GOLT1B: variants seen among roughly 807,000 people sequenced by gnomAD.
GOLT1B encodes vesicle transport protein GOT1B.
GOLT1B carries 3 observed loss-of-function variants against 15.4 expected under a neutral mutation model. That is an observed-to-expected ratio of 0.19 (90% CI 0.09 to 0.50). The LOEUF (loss-of-function observed/expected upper bound fraction) is 0.50, where lower values mean the gene tolerates loss of function less well. GOLT1B is among the 20% of genes least tolerant of loss of function. The pLI, the probability that GOLT1B is intolerant of heterozygous loss-of-function variation, is 0.97. For synonymous variants in GOLT1B, 65 were observed against 56.2 expected (o/e 1.16, Z -0.70); for missense variants, 145 against 160.4 (o/e 0.90, Z 0.52).
intron 1 of GOLT1B, among the ~76,000 whole-genome samples, chr12:21,502,975 T>A (rs997196646): frequency 2.0e-5 from 3 of 152,164 alleles, no homozygotes; most frequent in African/African-American, 7.2e-5. Context: ...GAGATTCAAG[T>A]CATGGCAGAC....
In GOLT1B at chr12:21,512,215, C is replaced by T. The variant is rs187208127; in HGVS notation, c.297-80C>T. 10 of 770,362 alleles carry T rather than the reference C, an allele frequency of 1.3e-5. No homozygotes were observed. In the East Asian group the frequency reaches 2.5e-4, roughly 19 times the overall value. The allele number at this position is 770,362 out of a possible 1,614,324, so 47.7% of individuals were successfully genotyped here. ...AATTATTCAGAATTTTAACAGGATA[C>T]TTTCTTTTTCCTTGGTTAGCAATTA... is the stretch of plus-strand genomic sequence containing the variant. On this transcript the variant is annotated intron_variant, in intron 3 of 4. Transcript: ENST00000229314.
At position 21,517,208 on chromosome 12, in the gene GOLT1B, A is replaced by C. The variant is rs148759998; in HGVS notation, c.*1501A>C. On this transcript the variant is annotated 3_prime_UTR_variant, in exon 5 of 5. Coordinates refer to ENST00000229314, the MANE Select transcript of GOLT1B (RefSeq NM_016072.5). ...TCTCTTAATACACAGAGAACTCCCA[A>C]TCTTGCTCATCTAAATAAGGAAAGA... The C allele has an allele frequency of 6.6e-6, 1 of 152,428 alleles. No homozygotes were observed. Among genetic ancestry groups the C allele is most frequent in the Non-Finnish European group, 1.5e-5 (1 of 67,870 alleles). The allele number at this position is 152,428 out of a possible 1,614,324, so 9.4% of individuals were successfully genotyped here.
intron 1 of GOLT1B, 29 bp downstream of exon 1, chr12:21,501,977 C>G (rs749059836): frequency 3.8e-6 from 6 of 1,562,740 alleles, no homozygotes; most frequent in Admixed American, 3.3e-5. Context: ...GCCCCCGCCT[C>G]GAGCCGCGCA....
chr12:21,511,792 C>G (rs191845763), intron 3 of GOLT1B, among the ~76,000 whole-genome samples: 1 of 152,174 alleles, frequency 6.6e-6, no homozygotes, highest in Non-Finnish European at 1.5e-5. Context: ...TCTTCCTATA[C>G]TGAGGTAGCT....
intron 4 of GOLT1B, chr12:21,515,266 T>C: frequency 6.9e-7 from 1 of 1,442,836 alleles, no homozygotes; most frequent in Non-Finnish European, 9.4e-7. Context: ...AGATCCACAG[T>C]AATGGTCAGT....
intron 2 of GOLT1B, 106 bp downstream of exon 2, chr12:21,507,082 T>A (rs1943684303): frequency 2.9e-6 from 2 of 679,240 alleles, no homozygotes; most frequent in African/African-American, 3.5e-5. Flanking sequence ...CTATTACTCA[T>A]AAGTAATTCC....
rs1025344277 is a variant in GOLT1B at position 21,516,185 on chromosome 12, A to G, written c.*478A>G. On this transcript the variant is annotated 3_prime_UTR_variant, in exon 5 of 5. Transcript: ENST00000229314. ...TTGGATTGTGTCATTTTAAAGTATT[A>G]AAACCAAGGAAACCCCAATTTTGAT... 1 of 152,436 alleles carries G rather than the reference A, an allele frequency of 6.6e-6. No individual in the cohort carries two copies. Among genetic ancestry groups the G allele is most frequent in the Non-Finnish European group, 1.5e-5 (1 of 68,088 alleles). The allele number at this position is 152,436 out of a possible 1,614,324, so 9.4% of individuals were successfully genotyped here.
At chr12:21,510,899 C>CT (rs1253036911) in intron 3 of GOLT1B, among the ~76,000 whole-genome samples, 1 of 152,114 alleles carries the variant, frequency 6.6e-6, no homozygotes, top group African/African-American at 2.4e-5. Flanking sequence ...AAGAAAACAG[C>CT]TTTTTTTCTG....
At chr12:21,502,551 A>G (rs757081643) in intron 1 of GOLT1B, among the ~76,000 whole-genome samples, 5 of 152,198 alleles carry the variant, frequency 3.3e-5, no homozygotes, top group Non-Finnish European at 7.3e-5. Flanking sequence ...CAGTAGAGAA[A>G]AGCCACTTTG....
chr12:21,503,978 C>T (rs968953523), intron 1 of GOLT1B, among the ~76,000 whole-genome samples: 5 of 152,136 alleles, frequency 3.3e-5, no homozygotes, highest in African/African-American at 1.2e-4. Flanking sequence ...ATTGCATTCT[C>T]CAGTACAGTT....
chr12:21,502,609 T>C (rs781607732), intron 1 of GOLT1B, among the ~76,000 whole-genome samples: 6 of 152,240 alleles, frequency 3.9e-5, no homozygotes, highest in Non-Finnish European at 7.3e-5. Flanking sequence ...TTGTGCTTTG[T>C]GGCTTGTTTT....
At chr12:21,502,918 T>C (rs1198156610) in intron 1 of GOLT1B, among the ~76,000 whole-genome samples, 1 of 152,210 alleles carries the variant, frequency 6.6e-6, no homozygotes, top group Non-Finnish European at 1.5e-5. Flanking sequence ...AAGTGAAAAA[T>C]AGAAGTTTAT....
Position 21,515,923 on chromosome 12 carries a change from CTGAG to C in GOLT1B, c.*217_*220del, listed in dbSNP as rs1010859427. 13 of 439,874 alleles carry C rather than the reference CTGAG, an allele frequency of 3.0e-5. No individual in the cohort carries two copies. Among genetic ancestry groups the C allele is most frequent in the Non-Finnish European group, 4.8e-5 (12 of 252,556 alleles). The allele number at this position is 439,874 out of a possible 1,614,324, so 27.2% of individuals were successfully genotyped here. A position where few individuals can be genotyped will look rare whatever the true frequency, so the allele number is the denominator to read the frequency against. On this transcript the variant is annotated 3_prime_UTR_variant, in exon 5 of 5. Coordinates refer to ENST00000229314, the MANE Select transcript of GOLT1B (RefSeq NM_016072.5). ...AACTAAGAAGAAGTCAGCAAGCAAA[CTGAG>C]AGAGGTGAAATCCATGTTAATGATG...
Position 21,515,666 on chromosome 12 carries a change from C to CTATCT in GOLT1B, c.379-3_379-2insTATCT. 1 of 1,343,400 alleles carries CTATCT rather than the reference C, an allele frequency of 7.4e-7. No homozygotes were observed. Among genetic ancestry groups the CTATCT allele is most frequent in the Non-Finnish European group, 1.1e-6 (1 of 944,318 alleles). The allele number at this position is 1,343,400 out of a possible 1,614,324, so 83.2% of individuals were successfully genotyped here. A position where few individuals can be genotyped will look rare whatever the true frequency, so the allele number is the denominator to read the frequency against. On this transcript the variant is annotated splice_region_variant and splice_polypyrimidine_tract_variant and intron_variant, in intron 4 of 4. Coordinates refer to ENST00000229314, the MANE Select transcript of GOLT1B (RefSeq NM_016072.5). ...TAATTCTCTGTTTTTCTTCTCCTTA[C>CTATCT]AGTTTGTAGATAAAGTTGGAGAAAG...
chr12:21,515,726 A>G lies in GOLT1B; in HGVS notation c.*19A>G. The G allele has an allele frequency of 2.8e-6, 3 of 1,086,954 alleles. No individual in the cohort carries two copies. Among genetic ancestry groups the G allele is most frequent in the Non-Finnish European group, 4.2e-6 (3 of 718,016 alleles). 67.3% of individuals were successfully genotyped at this position (1,086,954 alleles called of 1,614,324 possible). A position where few individuals can be genotyped will look rare whatever the true frequency, so the allele number is the denominator to read the frequency against. ...GGTATAACAACAAGTGAATTTGAAG[A>G]CTCATTTAAAATATTGTGTTATTTA... On this transcript the variant is annotated 3_prime_UTR_variant, in exon 5 of 5. Coordinates refer to ENST00000229314, the MANE Select transcript of GOLT1B (RefSeq NM_016072.5).
At chr12:21,506,613 G>C (rs376325049) in intron 1 of GOLT1B, among the ~76,000 whole-genome samples, 1 of 151,892 alleles carries the variant, frequency 6.6e-6, no homozygotes, top group Non-Finnish European at 1.5e-5. Context: ...TTAGAATCCC[G>C]ATTTATCTTT....
intron 2 of GOLT1B, 53 bp downstream of exon 2, chr12:21,507,029 G>A (rs1025102572): frequency 3.0e-5 from 22 of 741,330 alleles, no homozygotes; most frequent in African/African-American, 2.7e-4. Flanking sequence ...TTTTAACTAC[G>A]AATGAATTAT....
At chr12:21,504,790 C>T (rs994488917) in intron 1 of GOLT1B, among the ~76,000 whole-genome samples, 1 of 152,146 alleles carries the variant, frequency 6.6e-6, no homozygotes, top group African/African-American at 2.4e-5. Context: ...CAGAGATTGG[C>T]CTTTTTGACC....
intron 3 of GOLT1B, among the ~76,000 whole-genome samples, chr12:21,511,811 C>T (rs912024592): frequency 6.6e-6 from 1 of 152,194 alleles, no homozygotes; most frequent in Non-Finnish European, 1.5e-5. Flanking sequence ...CTTAACTGAT[C>T]TACTGTCAAT....
Sources: gnomAD v4.1 joint callset for allele counts (sites outside exome capture counted in the v4.1 genomes callset) on GRCh38, gnomAD v4.1.1 for gene constraint, MANE v1.5 for transcripts, NCBI Gene and HGNC (gene_info 2026-07-23, HGNC 2026-07-21) for gene names.